The following ALPK2 variants were observed in gnomAD, a reference collection of about 807,000 sequenced individuals.
ALPK2 encodes the protein alpha-protein kinase 2.
A neutral mutation model predicts 163.1 loss-of-function variants in ALPK2; 127 were observed. That is an observed-to-expected ratio of 0.78 (90% confidence interval 0.67 to 0.90). The LOEUF (loss-of-function observed/expected upper bound fraction) is 0.90. Ranked by LOEUF, ALPK2 falls within the 40% of genes least tolerant of loss-of-function variation. The pLI, the probability that ALPK2 is intolerant of heterozygous loss-of-function variation, is 0.00. For synonymous variants in ALPK2, 953 were observed against 959.1 expected, an observed-to-expected ratio of 0.99 and a Z score of 0.12; for missense variants, 2,360 against 2,589.6, an observed-to-expected ratio of 0.91 and a Z score of 1.92.
intron 1 of ALPK2, among the ~76,000 whole-genome samples, chr18:58,617,630 T>C (rs940165061): frequency 6.6e-6 from 1 of 152,340 alleles, no homozygotes; most frequent in South Asian, 2.1e-4. Context: ...AGAGGAAGAA[T>C]CTGGTATCCT....
At chr18:58,582,577 A>C (rs540147308) in intron 3 of ALPK2, among the ~76,000 whole-genome samples, 92 of 152,116 alleles carry the variant, frequency 6.0e-4, no homozygotes, top group South Asian at 3.8e-3. Context: ...AAAAAAAAAA[A>C]AACTGTGAAA....
chr18:58,530,266 C>T (rs1053143438), intron 5 of ALPK2, among the ~76,000 whole-genome samples: 1 of 152,194 alleles, frequency 6.6e-6, no homozygotes, highest in Non-Finnish European at 1.5e-5. Context: ...ATTCTCTACC[C>T]TGGAAGTGAT....
intron 4 of ALPK2, among the ~76,000 whole-genome samples, chr18:58,546,009 C>G (rs534172190): frequency 6.6e-6 from 1 of 152,300 alleles, no homozygotes; most frequent in East Asian, 1.9e-4. Context: ...AGCCCGGTCC[C>G]CAGCCAAAGA....
At chr18:58,614,400 G>A (rs2052153062) in intron 1 of ALPK2, among the ~76,000 whole-genome samples, 2 of 152,188 alleles carry the variant, frequency 1.3e-5, no homozygotes, top group African/African-American at 2.4e-5. Context: ...CTTCTTAAAT[G>A]TAGCTGTGCA....
chr18:58,535,843 C>T lies in ALPK2; in HGVS notation c.4344G>A (p.Gln1448=). The stretch of plus-strand genomic sequence containing the variant: ...GACATGGAACTTGCAAAATGGCCGG[C>T]TGGATTTCCGCTTCGTGGCCCATGT... ...DGNMGHEAEI[Q]PAILQVPCLQ... The change falls in exon 5 of 13, where the codon CAG becomes CAA. Residue 1448 remains glutamine, a synonymous_variant. Transcript: ENST00000361673. 6.2e-7 allele frequency: 1 copy of T among 1,614,210 alleles called. No individual in the cohort carries two copies. The highest frequency in any genetic ancestry group is 1.3e-5 in the African/African-American group (1 of 75,058).
chr18:58,598,221 G>A (rs147872005), intron 3 of ALPK2, among the ~76,000 whole-genome samples: 135 of 152,372 alleles, frequency 8.9e-4, no homozygotes, highest in Middle Eastern at 3.4e-3. Flanking sequence ...GAGTCCTGGA[G>A]GATCCAGAGC....
intron 2 of ALPK2, among the ~76,000 whole-genome samples, 183 bp downstream of exon 2, chr18:58,611,506 A>T (rs1380167906): frequency 1.3e-5 from 2 of 152,206 alleles, no homozygotes; most frequent in Non-Finnish European, 2.9e-5. Flanking sequence ...GTGTCCAGGA[A>T]GTCACTCAAA....
rs116263445 is a variant in ALPK2, at chr18:58,529,919, T to A, written c.5354-681A>T. The stretch of plus-strand genomic sequence containing the variant: ...ATTAGCATGCTAATGTGTAATTAGC[T>A]AGGGCAGCCACTGGGCGGCAGCCTA... On this transcript the variant is annotated intron_variant, in intron 5 of 12. Transcript: ENST00000361673. Among the ~76,000 whole-genome samples, 903 of 152,308 alleles carry A rather than the reference T, an allele frequency of 5.9e-3. 10 individuals carry two copies. The highest frequency in any genetic ancestry group is 0.02 in the African/African-American group (850 of 41,572).
At position 58,503,942 on chromosome 18, in the gene ALPK2, G is replaced by A. The variant is rs763356248; in HGVS notation, c.6236C>T (p.Thr2079Met). 2.3e-5 allele frequency: 37 copies of A among 1,613,078 alleles called. No homozygotes were observed. Among genetic ancestry groups the A allele is most frequent in the Admixed American group, 6.7e-5 (4 of 59,942 alleles). ...GCTGCTTTCCTCACCTTGCATGTCC[G>A]TCACCAGGAGGCAGCCACTTGTTTT... The part of the protein sequence containing the change: ...YQKTSGCLLV[T>M]DMQGVGMKLT... Residue 2079 changes from threonine (T) to methionine (M), a missense_variant, in exon 11 of 13, where the codon ACG (threonine) becomes ATG (methionine). Coordinates refer to ENST00000361673, the MANE Select transcript of ALPK2 (RefSeq NM_052947.4).
At chr18:58,619,734 G>C (rs139816720) in intron 1 of ALPK2, among the ~76,000 whole-genome samples, 1 of 152,090 alleles carries the variant, frequency 6.6e-6, no homozygotes, top group Non-Finnish European at 1.5e-5. Flanking sequence ...TTTTCTAAAC[G>C]GGAAATGTGT....
chr18:58,489,241 C>T (rs1325422060), intron 12 of ALPK2, among the ~76,000 whole-genome samples: 1 of 152,084 alleles, frequency 6.6e-6, no homozygotes, highest in Non-Finnish European at 1.5e-5. Context: ...GGGGAGATGC[C>T]GTCGGAGGAT....
At chr18:58,526,350 G>A (rs2051585014) in intron 6 of ALPK2, among the ~76,000 whole-genome samples, 2 of 152,282 alleles carry the variant, frequency 1.3e-5, no homozygotes, top group South Asian at 4.1e-4. Context: ...GGGCTTGGCA[G>A]CACCCCCACC....
At chr18:58,573,660 G>A (rs1451384810) in intron 4 of ALPK2, among the ~76,000 whole-genome samples, 6 of 83,384 alleles carry the variant, frequency 7.2e-5, no homozygotes. Context: ...TCATTCTTGG[G>A]TGTTTCTCAG....
chr18:58,500,543 A>T (rs184959762), intron 11 of ALPK2, among the ~76,000 whole-genome samples: 61 of 152,350 alleles, frequency 4.0e-4, no homozygotes, highest in Admixed American at 2.2e-3. Flanking sequence ...GTTAAATCCT[A>T]GTGTGCAGCT....
rs149724317 is a variant in ALPK2, at chr18:58,554,611, C to T, written c.1963-16387G>A. Among the ~76,000 whole-genome samples the T allele has an allele frequency of 5.9e-3, 901 of 152,310 alleles. 8 individuals are homozygous for T. Among genetic ancestry groups the T allele is most frequent in the African/African-American group, 0.02 (836 of 41,580 alleles). On this transcript the variant is annotated intron_variant, in intron 4 of 12. Transcript: ENST00000361673. The stretch of plus-strand genomic sequence containing the variant: ...TCTTGAGGATCTTGCCTAGGATCCC[C>T]GAGATCAGTGTGTCTTGTGCTTCAG...
chr18:58,589,481 C>A (rs948616526), intron 3 of ALPK2, among the ~76,000 whole-genome samples: 6 of 152,112 alleles, frequency 3.9e-5, no homozygotes, highest in African/African-American at 1.4e-4. Context: ...ACTAGTAACC[C>A]TATCAAAGAG....
At chr18:58,555,497 GGGAAAGAAT>G (rs1036016958) in intron 4 of ALPK2, among the ~76,000 whole-genome samples, 5 of 152,160 alleles carry the variant, frequency 3.3e-5, no homozygotes, top group African/African-American at 1.2e-4. Flanking sequence ...GCTGTCCGAA[GGGAAAGAAT>G]TCTCATGTCT....
intron 4 of ALPK2, among the ~76,000 whole-genome samples, chr18:58,552,097 A>C (rs1002975668): frequency 1.3e-5 from 2 of 152,194 alleles, no homozygotes; most frequent in Admixed American, 1.3e-4. Flanking sequence ...ACTTTAAAAA[A>C]AAATGCCCCA....
At chr18:58,565,904 C>T (rs2051850480) in intron 4 of ALPK2, among the ~76,000 whole-genome samples, 1 of 152,130 alleles carries the variant, frequency 6.6e-6, no homozygotes, top group Non-Finnish European at 1.5e-5. Context: ...GCCTCAGCCT[C>T]CCGAGTAGCT....
Sources: gnomAD v4.1 joint callset for allele counts (sites outside exome capture counted in the v4.1 genomes callset) on GRCh38, gnomAD v4.1.1 for gene constraint, MANE v1.5 for transcripts, NCBI Gene and HGNC (gene_info 2026-07-23, HGNC 2026-07-21) for gene names.